The following PTPN3 variants were observed in gnomAD, a reference collection of about 807,000 sequenced individuals.
The protein encoded by PTPN3 is protein tyrosine phosphatase non-receptor type 3.
PTPN3 carries 96 observed loss-of-function variants against 132.7 expected under a neutral mutation model. That is an observed-to-expected ratio of 0.72 (90% CI 0.61 to 0.86). The LOEUF is 0.86. Ranked by LOEUF, PTPN3 falls within the 40% of genes least tolerant of loss-of-function variation. The pLI, the probability that PTPN3 is intolerant of heterozygous loss-of-function variation, is 0.00. For synonymous variants in PTPN3, 398 were observed against 429.0 expected (o/e 0.93, Z 0.89); for missense variants, 1,125 against 1,159.6 (o/e 0.97, Z 0.43).
the PTPN3 span, chr9:109,533,668 A>C: frequency 1.3e-6 from 2 of 1,488,014 alleles, no homozygotes; most frequent in Non-Finnish European, 1.8e-6. Context: ...CCTGGTTGTC[A>C]GCACCCTCCA....
the PTPN3 span, among the ~76,000 whole-genome samples, chr9:109,520,158 C>CA: frequency 0.49 from 61,780 of 125,204 alleles, 14,719 homozygotes; most frequent in East Asian, 0.62. Context: ...GAGTCTGTCT[C>CA]AAAAAAAAAA....
chr9:109,497,966 C>T (rs184172568), intron 1 of PTPN3, among the ~76,000 whole-genome samples: 6,470 of 146,404 alleles, frequency 0.044, 277 homozygotes, highest in East Asian at 0.23. Context: ...GCCGCCAGCC[C>T]GCCCCGGCCG....
the PTPN3 span, among the ~76,000 whole-genome samples, chr9:109,515,549 G>A: frequency 1.6e-4 from 24 of 152,242 alleles, no homozygotes; most frequent in African/African-American, 5.5e-4. Flanking sequence ...ATTTTGTGTT[G>A]CTATAAAGGA....
At chr9:109,452,087 G>A (rs1845288933) in intron 5 of PTPN3, among the ~76,000 whole-genome samples, 1 of 152,022 alleles carries the variant, frequency 6.6e-6, no homozygotes, top group Non-Finnish European at 1.5e-5. Context: ...GGCCAACATG[G>A]TGAAACCCCA....
At chr9:109,439,709 G>T (rs112343808) in intron 7 of PTPN3, among the ~76,000 whole-genome samples, 6 of 152,300 alleles carry the variant, frequency 3.9e-5, no homozygotes, top group African/African-American at 1.4e-4. Flanking sequence ...AGAGGTTTGA[G>T]ACCAGCCTAG....
chr9:109,391,300 A>G, intron 20 of PTPN3, 101 bp from the exon 21 acceptor site: 1 of 1,309,698 alleles, frequency 7.6e-7, no homozygotes, highest in East Asian at 2.5e-5. Context: ...GCTCTGCCTC[A>G]TTAGCATAAA....
chr9:109,433,292 C>T (rs1843791747), intron 9 of PTPN3, 131 bp from the exon 10 acceptor site: 2 of 1,378,404 alleles, frequency 1.5e-6, no homozygotes, highest in Non-Finnish European at 1.9e-6. Flanking sequence ...CTACTGAAAA[C>T]AGGCAAAAAG....
chr9:109,469,341 C>T (rs1053952775), intron 1 of PTPN3, among the ~76,000 whole-genome samples: 9 of 152,028 alleles, frequency 5.9e-5, no homozygotes, highest in Non-Finnish European at 5.9e-5. Flanking sequence ...ATAAAGAGGC[C>T]GGCGCAGTGG....
intron 5 of PTPN3, among the ~76,000 whole-genome samples, chr9:109,452,899 T>A (rs1277601450): frequency 6.6e-6 from 1 of 152,090 alleles, no homozygotes; most frequent in Non-Finnish European, 1.5e-5. Flanking sequence ...TGAGGAAACC[T>A]TGGTAGGGTC....
intron 1 of PTPN3, among the ~76,000 whole-genome samples, chr9:109,488,505 T>C (rs1207146483): frequency 6.6e-6 from 1 of 152,184 alleles, no homozygotes; most frequent in Non-Finnish European, 1.5e-5. Context: ...GGAACATTCC[T>C]TTACTAACTG....
intron 13 of PTPN3, among the ~76,000 whole-genome samples, chr9:109,422,247 T>C (rs1283157357): frequency 6.6e-6 from 1 of 152,204 alleles, no homozygotes; most frequent in African/African-American, 2.4e-5. Context: ...TCCTCTTAAG[T>C]TGGCCTGCTA....
At chr9:109,443,211 G>A (rs1223404573) in intron 7 of PTPN3, among the ~76,000 whole-genome samples, 1 of 151,888 alleles carries the variant, frequency 6.6e-6, no homozygotes, top group Non-Finnish European at 1.5e-5. Context: ...TAGTAGCTGG[G>A]ACTACAGGCA....
chr9:109,494,326 T>G (rs1162476027), intron 1 of PTPN3, among the ~76,000 whole-genome samples: 1 of 152,140 alleles, frequency 6.6e-6, no homozygotes, highest in Non-Finnish European at 1.5e-5. Flanking sequence ...AAAAATTAGC[T>G]GGGTGTGGTG....
intron 23 of PTPN3, 58 bp downstream of exon 23, chr9:109,383,365 A>C (rs1839281405): frequency 1.2e-6 from 2 of 1,613,140 alleles, no homozygotes; most frequent in African/African-American, 1.3e-5. Context: ...ACCTGGGATG[A>C]CAGTGGCCGC....
At chr9:109,500,934 A>T (rs892135375), upstream of PTPN3, among the ~76,000 whole-genome samples, 5 of 150,978 alleles carry the variant, frequency 3.3e-5, no homozygotes, top group Non-Finnish European at 5.9e-5. Context: ...TCTCAAATAA[A>T]AAAAAAAAAA....
At chr9:109,417,642 C>G (rs1416767907) in intron 14 of PTPN3, 1 of 984,900 alleles carries the variant, frequency 1.0e-6, no homozygotes, top group African/African-American at 1.8e-5. Context: ...CTCTGAAGAC[C>G]CAGCACAAAG....
chr9:109,441,398 A>G (rs1351046991), intron 7 of PTPN3, among the ~76,000 whole-genome samples: 2 of 151,690 alleles, frequency 1.3e-5, no homozygotes, highest in Non-Finnish European at 2.9e-5. Context: ...TTCAACTCCA[A>G]CCTGATCTTA....
upstream of PTPN3, chr9:109,498,377 G>C (rs1325813475): frequency 6.8e-6 from 1 of 147,104 alleles, no homozygotes; most frequent in Non-Finnish European, 1.5e-5. This position sits in a 1 kb window ranked among gnomAD's most constrained non-coding sequence, Gnocchi z 4.2. Context: ...CGCGCGCCGG[G>C]CGGGGGGCGG....
chr9:109,454,905 T>C (rs1261697018), intron 4 of PTPN3, among the ~76,000 whole-genome samples: 3 of 152,248 alleles, frequency 2.0e-5, no homozygotes, highest in African/African-American at 4.8e-5. Flanking sequence ...ATGCAAAATA[T>C]ACAAAGAAAT....
Sources: gnomAD v4.1 joint callset for allele counts (sites outside exome capture counted in the v4.1 genomes callset) on GRCh38, gnomAD v4.1.1 for gene constraint, Gnocchi (gnomAD v3.1) non-coding constraint, MANE v1.5 for transcripts, NCBI Gene and HGNC (gene_info 2026-07-23, HGNC 2026-07-21) for gene names.